The following PCDHGA1 variants were observed in gnomAD, a reference collection of about 807,000 sequenced individuals.
PCDHGA1 encodes protocadherin gamma subfamily A, 1, also known as protocadherin gamma-A1.
PCDHGA1 carries 32 observed loss-of-function variants against 58.0 expected under a neutral mutation model. That is an observed-to-expected ratio of 0.55 (90% CI 0.42 to 0.74). The LOEUF (loss-of-function observed/expected upper bound fraction) is 0.74. PCDHGA1 is among the 30% of genes least tolerant of loss of function. The pLI is 0.00. For synonymous variants in PCDHGA1, 498 were observed against 501.1 expected (o/e 0.99, Z 0.08); for missense variants, 1,205 against 1,182.3 (o/e 1.02, Z -0.28).
chr5:141,411,724 A>G (rs2095509404), intron 1 of PCDHGA1: 1 of 152,684 alleles, frequency 6.5e-6, no homozygotes, highest in South Asian at 2.1e-4. Flanking sequence ...GCTACAGAAC[A>G]TTTAAAAATT....
At chr5:141,350,964 A>G in intron 1 of PCDHGA1, 1 of 1,614,088 alleles carries the variant, frequency 6.2e-7, no homozygotes, top group South Asian at 1.1e-5. Flanking sequence ...GCCAATGATA[A>G]TGCTCCCGTG....
chr5:141,453,266 A>G (rs1322091044), intron 1 of PCDHGA1, among the ~76,000 whole-genome samples: 4 of 151,838 alleles, frequency 2.6e-5, no homozygotes. Flanking sequence ...AGTGCACACC[A>G]CCATGACTGG....
At chr5:141,482,561 T>C (rs1411268228) in intron 1 of PCDHGA1, among the ~76,000 whole-genome samples, 3 of 136,978 alleles carry the variant, frequency 2.2e-5, no homozygotes, top group African/African-American at 8.6e-5. Flanking sequence ...ATAATGGAGA[T>C]CTGCATAGCA....
In PCDHGA1 at chr5:141,370,973, G is replaced by T. The variant is rs763236238; in HGVS notation, c.2421+37868G>T. ...ACCTGGATGGCAGTAGGTACCCAGA[G>T]CTAGTACTGAAAGCACCCCTGGACA... is the stretch of plus-strand genomic sequence containing the variant. On this transcript the variant is annotated intron_variant, in intron 1 of 3. Coordinates refer to ENST00000517417, the MANE Select transcript of PCDHGA1 (RefSeq NM_018912.3). 9.3e-6 allele frequency: 15 copies of T among 1,614,010 alleles called. No individual in the cohort carries two copies. Among genetic ancestry groups the T allele is most frequent in the Admixed American group, 1.7e-5 (1 of 60,024 alleles).
intron 1 of PCDHGA1, among the ~76,000 whole-genome samples, chr5:141,353,136 C>A (rs1301733599): frequency 6.6e-6 from 1 of 151,954 alleles, no homozygotes; most frequent in Admixed American, 6.6e-5. Context: ...GCTCAGTAGT[C>A]TTGGCAATTT....
chr5:141,385,657 C>T, intron 1 of PCDHGA1: 1 of 611,856 alleles, frequency 1.6e-6, no homozygotes, highest in Admixed American at 4.9e-5. Context: ...ACAAGGTTAG[C>T]AGGAATAAAA....
At chr5:141,417,648 T>A in intron 1 of PCDHGA1, 5 of 818,672 alleles carry the variant, frequency 6.1e-6, no homozygotes, top group Non-Finnish European at 9.1e-6. Flanking sequence ...TCCCTCAGCC[T>A]CTAGCCTGGG....
rs762996346 is a variant in PCDHGA1, at chr5:141,365,922, G to A, written c.2421+32817G>A. The A allele has an allele frequency of 1.9e-6, 3 of 1,614,196 alleles. No homozygotes were observed. In the Admixed American group the frequency reaches 5.0e-5, roughly 27 times the overall value. The stretch of plus-strand genomic sequence containing the variant: ...GAGCAGTTGAGAGACCTACAGTTGT[G>A]GGTGACAGCCAGCGACAGTGGGAAC... On this transcript the variant is annotated intron_variant, in intron 1 of 3. Coordinates refer to ENST00000517417, the MANE Select transcript of PCDHGA1 (RefSeq NM_018912.3).
At chr5:141,341,593 T>G (rs1757071312) in intron 1 of PCDHGA1, 2 of 1,074,372 alleles carry the variant, frequency 1.9e-6, no homozygotes, top group Non-Finnish European at 2.6e-6. Flanking sequence ...AGAATCTTTG[T>G]GCAATGAATG....
intron 1 of PCDHGA1, chr5:141,410,115 C>G (rs1361621262): frequency 6.2e-7 from 1 of 1,612,624 alleles, no homozygotes; most frequent in African/African-American, 1.3e-5. Flanking sequence ...AGGGACGCAG[C>G]CCGCCAGCGC....
In PCDHGA1 at chr5:141,487,460, G is replaced by T; in HGVS notation, c.2422-7347G>T. ...AGGGTCAGATGACCCTATCAAGTTT[G>T]TTGATGTGGGAGGCCACTCTCATGG... On this transcript the variant is annotated intron_variant, in intron 1 of 3. Transcript: ENST00000517417. The surrounding 1 kb of genome is among the most constrained non-coding windows in gnomAD (Gnocchi z 5.0). 1 of 1,614,170 alleles carries T rather than the reference G, an allele frequency of 6.2e-7. No individual in the cohort carries two copies. Among genetic ancestry groups the T allele is most frequent in the Non-Finnish European group, 8.5e-7 (1 of 1,180,024 alleles).
intron 1 of PCDHGA1, chr5:141,357,352 C>A (rs1341933650): frequency 6.2e-7 from 1 of 1,614,156 alleles, no homozygotes; most frequent in Admixed American, 1.7e-5. Flanking sequence ...CAAGCTGAGA[C>A]GCTGGCACAA....
chr5:141,345,022 G>C (rs764710272), intron 1 of PCDHGA1: 4 of 1,613,788 alleles, frequency 2.5e-6, no homozygotes, highest in African/African-American at 2.7e-5. Context: ...CTTCTTTCAA[G>C]AGCCAAGATT....
chr5:141,441,310 C>T (rs2098239133), intron 1 of PCDHGA1: 1 of 152,154 alleles, frequency 6.6e-6, no homozygotes, highest in Non-Finnish European at 1.5e-5. Context: ...AGAAAATGCA[C>T]CTTGAGAAAA....
At chr5:141,354,393 G>T (rs1218363401) in intron 1 of PCDHGA1, among the ~76,000 whole-genome samples, 1 of 152,184 alleles carries the variant, frequency 6.6e-6, no homozygotes, top group African/African-American at 2.4e-5. Flanking sequence ...TTGTGGCCAA[G>T]AATCTACTGT....
chr5:141,377,296 T>A (rs555068589), intron 1 of PCDHGA1: 1 of 152,208 alleles, frequency 6.6e-6, no homozygotes, highest in Non-Finnish European at 1.5e-5. Flanking sequence ...TTAATTTAGG[T>A]CAGTGTTAAA....
At chr5:141,403,425 T>C in intron 1 of PCDHGA1, 1 of 1,614,040 alleles carries the variant, frequency 6.2e-7, no homozygotes, top group South Asian at 1.1e-5. Context: ...CCAGAAGCTA[T>C]TGATCCGGAT....
chr5:141,484,242 A>G (rs995022030), intron 1 of PCDHGA1, among the ~76,000 whole-genome samples: 1 of 152,216 alleles, frequency 6.6e-6, no homozygotes, highest in African/African-American at 2.4e-5. Flanking sequence ...TCTGGTCCTT[A>G]GCACCTCCCA....
At chr5:141,366,474 G>T (rs1339425803) in intron 1 of PCDHGA1, 10 of 1,614,248 alleles carry the variant, frequency 6.2e-6, no homozygotes, top group Non-Finnish European at 8.5e-6. Context: ...CTGGTGCTCA[G>T]ACTGAGGCGC....
Sources: allele counts gnomAD v4.1 joint callset (sites outside exome capture counted in the v4.1 genomes callset), GRCh38; gene constraint gnomAD v4.1.1; non-coding constraint Gnocchi (gnomAD v3.1); transcripts MANE v1.5; gene names NCBI Gene and HGNC (gene_info 2026-07-23, HGNC 2026-07-21).